FMNL2: variants seen among roughly 807,000 people sequenced by gnomAD.
FMNL2 encodes formin like 2, also known as formin-like protein 2.
A neutral mutation model predicts 130.2 loss-of-function variants in FMNL2; 51 were observed. The observed-to-expected ratio is 0.39, with a 90% confidence interval of 0.31 to 0.49. The LOEUF is 0.49. FMNL2 is among the 20% of genes least tolerant of loss of function. FMNL2 has a pLI of 0.85. For synonymous variants in FMNL2, 465 were observed against 467.1 expected, an observed-to-expected ratio of 1.00 and a Z score of 0.06; for missense variants, 977 against 1,316.2, an observed-to-expected ratio of 0.74 and a Z score of 3.99.
At chr2:152,511,474 G>A (rs1417215321) in intron 1 of FMNL2, among the ~76,000 whole-genome samples, 1 of 152,186 alleles carries the variant, frequency 6.6e-6, no homozygotes, top group Non-Finnish European at 1.5e-5. Context: ...CCATGAATTT[G>A]AGGCTATAAT....
chr2:152,524,895 C>T (rs574736957), intron 2 of FMNL2, among the ~76,000 whole-genome samples: 1 of 152,234 alleles, frequency 6.6e-6, no homozygotes, highest in Admixed American at 6.5e-5. Flanking sequence ...CTGTTAGAGA[C>T]CATTTATCCC....
chr2:152,513,820 A>G (rs1322769943), intron 1 of FMNL2, among the ~76,000 whole-genome samples: 2 of 152,180 alleles, frequency 1.3e-5, no homozygotes, highest in Non-Finnish European at 2.9e-5. Flanking sequence ...CGGTGATATT[A>G]GTACCCTCAA....
At chr2:152,406,112 G>A (rs1425700145) in intron 1 of FMNL2, among the ~76,000 whole-genome samples, 2 of 151,706 alleles carry the variant, frequency 1.3e-5, no homozygotes, top group Non-Finnish European at 2.9e-5. Flanking sequence ...GCTCTGAAAT[G>A]TTATGATTCC....
intron 2 of FMNL2, among the ~76,000 whole-genome samples, chr2:152,532,211 T>C (rs1214237034): frequency 6.6e-6 from 1 of 152,212 alleles, no homozygotes; most frequent in Non-Finnish European, 1.5e-5. Context: ...TAGGGCAAGA[T>C]AAACTTTTTC....
At chr2:152,607,316 C>T (rs780767451) in intron 9 of FMNL2, 23 bp from the exon 10 acceptor site, 2 of 1,605,468 alleles carry the variant, frequency 1.2e-6, no homozygotes, top group Admixed American at 1.7e-5. Context: ...AAGTCACATG[C>T]ACAATGAAAA....
intron 1 of FMNL2, among the ~76,000 whole-genome samples, chr2:152,378,968 G>C: frequency 9.0e-6 from 1 of 111,308 alleles, no homozygotes; most frequent in East Asian, 3.0e-4. Flanking sequence ...GCTAGAGAAG[G>C]ACTGAATAGA....
chr2:152,433,143 C>G (rs978302466), intron 1 of FMNL2, among the ~76,000 whole-genome samples: 4 of 152,132 alleles, frequency 2.6e-5, no homozygotes, highest in African/African-American at 4.8e-5. Flanking sequence ...CACAAGAGCA[C>G]ATTCTTAAAT....
intron 1 of FMNL2, among the ~76,000 whole-genome samples, chr2:152,422,565 C>A (rs565715295): frequency 2.6e-5 from 4 of 151,738 alleles, no homozygotes; most frequent in Admixed American, 2.6e-4. Context: ...TGCACTGTCA[C>A]CCAAGCTGAA....
chr2:152,565,754 G>A (rs1695800277), intron 6 of FMNL2, among the ~76,000 whole-genome samples: 2 of 151,948 alleles, frequency 1.3e-5, no homozygotes, highest in Non-Finnish European at 2.9e-5. Context: ...CAGAGTAAGA[G>A]TTTGTTTTTC....
At position 152,459,818 on chromosome 2, in the gene FMNL2, A is replaced by G. The variant is rs186404326; in HGVS notation, c.118-62125A>G. 7.2e-5 allele frequency among the ~76,000 whole-genome samples: 11 copies of G among 152,328 alleles called. No homozygotes were observed. The East Asian group carries it at 1.7e-3, about 24-fold the overall frequency. ...GTGAAATATATCTCAACAAAGCTGC[A>G]AAAGAAAAAATACATAAATAGGTAA... On this transcript the variant is annotated intron_variant, in intron 1 of 25. Transcript: ENST00000288670.
Position 152,517,141 on chromosome 2 carries a change from G to A in FMNL2, c.118-4802G>A, listed in dbSNP as rs568868500. ...CAGAAGACGCTCATTTTTCTTTTCA[G>A]GAAAATATTGCTAGAATTGAAGATT... is the stretch of plus-strand genomic sequence containing the variant. On this transcript the variant is annotated intron_variant, in intron 1 of 25. Transcript: ENST00000288670. 5.0e-4 allele frequency among the ~76,000 whole-genome samples: 76 copies of A among 151,600 alleles called. 1 individual carries two copies. In the Middle Eastern group the frequency reaches 0.01, roughly 20 times the overall value.
chr2:152,545,095 G>A (rs1054791261), intron 3 of FMNL2, among the ~76,000 whole-genome samples: 1 of 152,106 alleles, frequency 6.6e-6, no homozygotes, highest in Non-Finnish European at 1.5e-5. Context: ...TAAAATGGAT[G>A]GTGGATTAAC....
At chr2:152,507,835 T>G (rs1692257832) in intron 1 of FMNL2, among the ~76,000 whole-genome samples, 1 of 152,102 alleles carries the variant, frequency 6.6e-6, no homozygotes, top group South Asian at 2.1e-4. Flanking sequence ...AGAAATTTAG[T>G]TACTTGCCAG....
At chr2:152,345,485 A>T (rs1682065093) in intron 1 of FMNL2, among the ~76,000 whole-genome samples, 2 of 152,224 alleles carry the variant, frequency 1.3e-5, no homozygotes, top group East Asian at 1.9e-4. Context: ...GTACTGCTAA[A>T]TGTCTTATTT....
chr2:152,375,934 T>C (rs1472913284), intron 1 of FMNL2, among the ~76,000 whole-genome samples: 1 of 149,640 alleles, frequency 6.7e-6, no homozygotes, highest in Non-Finnish European at 1.5e-5. Context: ...TGCTTAGTCC[T>C]CCAGGCTGTA....
intron 1 of FMNL2, among the ~76,000 whole-genome samples, chr2:152,487,161 T>C (rs970064762): frequency 6.6e-6 from 1 of 152,252 alleles, no homozygotes; most frequent in Admixed American, 6.5e-5. Context: ...TCTTATATTC[T>C]ACAGCAATGA....
intron 18 of FMNL2, among the ~76,000 whole-genome samples, chr2:152,629,127 T>C (rs1681995364): frequency 6.6e-6 from 1 of 152,034 alleles, no homozygotes; most frequent in Non-Finnish European, 1.5e-5. Flanking sequence ...TAGACTTTGT[T>C]ACTGATTATA....
chr2:152,632,180 G>C, intron 21 of FMNL2, 43 bp downstream of exon 21: 1 of 1,585,808 alleles, frequency 6.3e-7, no homozygotes, highest in African/African-American at 1.4e-5. Context: ...GGTATTTAAT[G>C]CCTTTAATTG....
rs796954245 is a variant in FMNL2 at position 152,375,877 on chromosome 2, C to CTCTCTATATATATATA, written c.117+40158_117+40159insCTCTATATATATATAT. On this transcript the variant is annotated intron_variant, in intron 1 of 25. Coordinates refer to ENST00000288670, the MANE Select transcript of FMNL2 (RefSeq NM_052905.4). The stretch of plus-strand genomic sequence containing the variant: ...TCTCTCTCTCTCTCTCTCTCTCTCT[C>CTCTCTATATATATATA]TATATATATATATATATATAATTAT... Among the ~76,000 whole-genome samples the CTCTCTATATATATATA allele has an allele frequency of 1.7e-3, 188 of 112,436 alleles. 1 individual carries two copies. The highest frequency in any genetic ancestry group is 7.6e-3 in the East Asian group (14 of 1,834). The allele number at this position is 112,436 out of a possible 152,430, so 73.8% of individuals were successfully genotyped here.
Sources: allele counts gnomAD v4.1 joint callset (sites outside exome capture counted in the v4.1 genomes callset), GRCh38; gene constraint gnomAD v4.1.1; transcripts MANE v1.5; gene names NCBI Gene and HGNC (gene_info 2026-07-23, HGNC 2026-07-21).